Variants in GOLGB1 observed in about 807,000 individuals in gnomAD.
GOLGB1 encodes the protein golgin subfamily B member 1.
GOLGB1 carries 174 observed loss-of-function variants against 336.9 expected under a neutral mutation model. That is an observed-to-expected ratio of 0.52 (90% CI 0.46 to 0.59). The LOEUF (loss-of-function observed/expected upper bound fraction) is 0.59, where lower values mean the gene tolerates loss of function less well. Among genes scored for constraint, GOLGB1 ranks in the 20% least tolerant of loss-of-function variants. The probability of loss-of-function intolerance (pLI) is 0.00; values close to 1 mark genes in which losing one functional copy is unlikely to be tolerated. For synonymous variants in GOLGB1, 1,208 were observed against 1,289.2 expected (o/e 0.94, Z 1.35); for missense variants, 3,331 against 3,645.3 (o/e 0.91, Z 2.22).
chr3:121,667,383 G>A (rs754697518), intron 20 of GOLGB1, 93 bp downstream of exon 20: 10 of 1,341,366 alleles, frequency 7.5e-6, no homozygotes, highest in Non-Finnish European at 1.0e-5. Flanking sequence ...ATGAGAAAAA[G>A]ATCTTAAGAA....
intron 5 of GOLGB1, among the ~76,000 whole-genome samples, chr3:121,726,586 T>TA (rs760126153): frequency 6.9e-5 from 10 of 144,366 alleles, no homozygotes; most frequent in South Asian, 2.2e-4. Flanking sequence ...GTATAGAAGA[T>TA]AAAAAAACAG....
At chr3:121,710,798 A>T (rs1944292370) in intron 10 of GOLGB1, among the ~76,000 whole-genome samples, 1 of 152,066 alleles carries the variant, frequency 6.6e-6, no homozygotes, top group Non-Finnish European at 1.5e-5. Flanking sequence ...TTGAGGCTGC[A>T]GTGAGCTGTC....
At chr3:121,746,429 A>G (rs1005723847) in intron 1 of GOLGB1, among the ~76,000 whole-genome samples, 1 of 151,700 alleles carries the variant, frequency 6.6e-6, no homozygotes, top group Non-Finnish European at 1.5e-5. Flanking sequence ...TTTACACATA[A>G]CTTACTTTTC....
intron 16 of GOLGB1, 23 bp downstream of exon 16, chr3:121,677,262 C>A (rs1940528643): frequency 1.3e-6 from 2 of 1,544,968 alleles, no homozygotes; most frequent in Non-Finnish European, 1.8e-6. Flanking sequence ...CTCTGAGTAA[C>A]AATCAGCATT....
intron 15 of GOLGB1, among the ~76,000 whole-genome samples, chr3:121,678,245 T>C (rs1191645154): frequency 6.6e-6 from 1 of 152,248 alleles, no homozygotes; most frequent in Non-Finnish European, 1.5e-5. Flanking sequence ...TGAAAATCTT[T>C]TAGATGTAAT....
In GOLGB1 at chr3:121,690,661, G is replaced by A; in HGVS notation, c.8694+9C>T. On this transcript the variant is annotated intron_variant, in intron 14 of 21. Transcript: ENST00000614479. Reference sequence around the variant, plus strand: ...TAAACAGATCAGAAAGAAAGAACTAGCTACTCACTAGTCTGTCTCTGTCAT... The same window carrying A: ...TAAACAGATCAGAAAGAAAGAACTAACTACTCACTAGTCTGTCTCTGTCAT... The A allele has an allele frequency of 2.2e-6, 3 of 1,354,912 alleles. No homozygotes were observed. The highest frequency in any genetic ancestry group is 3.0e-6 in the Non-Finnish European group (3 of 997,328). 83.9% of individuals were successfully genotyped at this position (1,354,912 alleles called of 1,614,324 possible). A position where few individuals can be genotyped will look rare whatever the true frequency, so the allele number is the denominator to read the frequency against.
At chr3:121,676,364 G>A (rs760882491) in intron 17 of GOLGB1, among the ~76,000 whole-genome samples, 3 of 152,032 alleles carry the variant, frequency 2.0e-5, no homozygotes, top group Non-Finnish European at 4.4e-5. Flanking sequence ...AAAAGCTTAC[G>A]CACACACACA....
rs750183169 is a variant in GOLGB1 at position 121,697,879 on chromosome 3, T to C, written c.2644A>G (p.Lys882Glu). The change falls in exon 13 of 22, where the codon AAA becomes GAA. Residue 882 changes from lysine to glutamate, a missense_variant. By Grantham distance (56) the Lys-to-Glu change is moderately conservative. Coordinates refer to ENST00000614479, the MANE Select transcript of GOLGB1 (RefSeq NM_001366282.2). ...ALSQKELEIT[K>E]MDQLLLEKKR... ...TTCTCTAGTAAGAGCTGATCCATTT[T>C]TGTTATTTCAAGTTCCTTCTGTGAA... 18 of 1,613,996 alleles carry C rather than the reference T, an allele frequency of 1.1e-5. No homozygotes were observed. The highest frequency in any genetic ancestry group is 1.5e-5 in the Non-Finnish European group (18 of 1,179,962).
intron 10 of GOLGB1, among the ~76,000 whole-genome samples, 193 bp from the exon 11 acceptor site, chr3:121,702,788 A>G (rs1943513340): frequency 6.6e-6 from 1 of 152,248 alleles, no homozygotes; most frequent in Admixed American, 6.5e-5. Context: ...AAAAAGAAAT[A>G]AAATATTTCA....
chr3:121,678,235 T>C (rs1423626577), intron 15 of GOLGB1, among the ~76,000 whole-genome samples: 3 of 152,232 alleles, frequency 2.0e-5, no homozygotes, highest in Non-Finnish European at 4.4e-5. Flanking sequence ...ATGTTAAATA[T>C]GAAAATCTTT....
intron 6 of GOLGB1, among the ~76,000 whole-genome samples, chr3:121,720,924 ATT>A (rs1945148341): frequency 6.6e-6 from 1 of 152,116 alleles, no homozygotes; most frequent in Non-Finnish European, 1.5e-5. Flanking sequence ...CTTCCAAAAT[ATT>A]TTGTTTGTAT....
intron 4 of GOLGB1, 75 bp downstream of exon 4, chr3:121,729,113 T>C: frequency 1.0e-6 from 1 of 993,798 alleles, no homozygotes; most frequent in East Asian, 2.5e-5. Context: ...CCTAAATGTT[T>C]GTGATTGGTG....
intron 4 of GOLGB1, 186 bp downstream of exon 4, chr3:121,729,002 T>C (rs1035074017): frequency 4.8e-6 from 2 of 413,424 alleles, no homozygotes; most frequent in South Asian, 1.5e-4. Flanking sequence ...TTTCTGTACA[T>C]CTTTCATTCT....
Position 121,682,603 on chromosome 3 carries a change from T to C in GOLGB1, c.8695-738A>G, listed in dbSNP as rs529064095. Among the ~76,000 whole-genome samples the C allele has an allele frequency of 3.3e-5, 5 of 152,334 alleles. No homozygotes were observed. In the South Asian group the frequency reaches 8.3e-4, roughly 25 times the overall value. ...ACACTGCCTACCTACATTTCAGATA[T>C]ATTTTCAACTTCTTTATCTCCAATA... On this transcript the variant is annotated intron_variant, in intron 14 of 21. Transcript: ENST00000614479.
In GOLGB1 at chr3:121,698,339, C is replaced by T. The variant is rs764998679; in HGVS notation, c.2184G>A (p.Gln728=). ...CATTTTTCTTAAACTCCTCAATCAA[C>T]TGGTTTAGGTTGCTAATTTCCTTAG... ...EKAKEISNLN[Q]LIEEFKKNAD... Residue 728 remains glutamine, a synonymous_variant, in exon 13 of 22, where the codon CAG becomes CAA. Transcript: ENST00000614479. The T allele has an allele frequency of 7.4e-6, 12 of 1,613,854 alleles. No homozygotes were observed. Among genetic ancestry groups the T allele is most frequent in the South Asian group, 1.1e-5 (1 of 91,066 alleles).
At chr3:121,688,164 C>T (rs964928287) in intron 14 of GOLGB1, among the ~76,000 whole-genome samples, 2 of 150,186 alleles carry the variant, frequency 1.3e-5, no homozygotes, top group African/African-American at 5.0e-5. Context: ...TTCGCTCTCC[C>T]TCTCCCTCTC....
chr3:121,674,787 T>C (rs1046875646), intron 17 of GOLGB1, among the ~76,000 whole-genome samples: 3 of 152,168 alleles, frequency 2.0e-5, no homozygotes, highest in Non-Finnish European at 4.4e-5. Context: ...ATAGTTATTG[T>C]TTTAATGACT....
Position 121,692,195 on chromosome 3 carries a change from A to G in GOLGB1, c.7169T>C (p.Ile2390Thr). 2 of 1,601,544 alleles carry G rather than the reference A, an allele frequency of 1.2e-6. No homozygotes were observed. Among genetic ancestry groups the G allele is most frequent in the Non-Finnish European group, 1.7e-6 (2 of 1,176,526 alleles). Reference sequence around the variant, plus strand: ...CTCTTCCTTGCCAGAAAGCAGGCTTATAATCTTTTGCTCTTTCATATTTAT... The same window carrying G: ...CTCTTCCTTGCCAGAAAGCAGGCTTGTAATCTTTTGCTCTTTCATATTTAT... The part of the protein sequence containing the change: ...EEINMKEQKI[I>T]SLLSGKEEAI... Residue 2390 changes from isoleucine (I) to threonine (T), a missense_variant, in exon 14 of 22, where the codon ATA becomes ACA. Coordinates refer to ENST00000614479, the MANE Select transcript of GOLGB1 (RefSeq NM_001366282.2).
chr3:121,676,390 T>G (rs1940381149), intron 17 of GOLGB1, among the ~76,000 whole-genome samples: 1 of 152,250 alleles, frequency 6.6e-6, no homozygotes, highest in Non-Finnish European at 1.5e-5. Flanking sequence ...GTGCATACAA[T>G]TTTTGGGCAT....
Sources: gnomAD v4.1 joint callset for allele counts (sites outside exome capture counted in the v4.1 genomes callset) on GRCh38, gnomAD v4.1.1 for gene constraint, MANE v1.5 for transcripts, NCBI Gene and HGNC (gene_info 2026-07-23, HGNC 2026-07-21) for gene names.